The following SCARB1 variants were observed in gnomAD, a reference collection of about 807,000 sequenced individuals.
SCARB1 encodes scavenger receptor class B member 1, also known as CD36 and LIMPII analogous 1.
Under a neutral mutation model 57.2 loss-of-function variants are expected in SCARB1, and 30 were observed. That is an observed-to-expected ratio of 0.52 (90% CI 0.39 to 0.71). The LOEUF is 0.71. Among genes scored for constraint, SCARB1 ranks in the 30% least tolerant of loss-of-function variants. The probability of loss-of-function intolerance (pLI) is 0.00; values close to 1 mark genes in which losing one functional copy is unlikely to be tolerated. For missense variants in SCARB1, 543 were observed against 671.2 expected, an observed-to-expected ratio of 0.81 and a Z score of 2.11; for synonymous variants, 249 against 268.3, an observed-to-expected ratio of 0.93 and a Z score of 0.70.
rs369722279 is a variant in SCARB1 at position 124,810,200 on chromosome 12, C to T, written c.816G>A (p.Leu272=). The T allele has an allele frequency of 5.1e-5, 82 of 1,613,866 alleles. No homozygotes were observed. The highest frequency in any genetic ancestry group is 6.4e-5 in the Non-Finnish European group (76 of 1,179,892). Residue 272 remains leucine (L), a synonymous_variant, in exon 6 of 13, where the codon CTG becomes CTA. Coordinates refer to ENST00000261693, the MANE Select transcript of SCARB1 (RefSeq NM_005505.5). The surrounding 1 kb of genome is among the most constrained non-coding windows in gnomAD (Gnocchi z 4.0). ...WPPFMTPESS[L]EFYSPEACRS... ...GGCAGGCCTCCGGGCTGTAGAACTCCAGCGAGGACTCAGGAGTCATGAAGG... is the reference window on the plus strand; with the variant it reads ...GGCAGGCCTCCGGGCTGTAGAACTCTAGCGAGGACTCAGGAGTCATGAAGG...
At chr12:124,861,668 C>T (rs1047478930) in intron 1 of SCARB1, among the ~76,000 whole-genome samples, 1 of 152,158 alleles carries the variant, frequency 6.6e-6, no homozygotes, top group Non-Finnish European at 1.5e-5. Flanking sequence ...CAGAAGTGGC[C>T]GTCTTGGGCT....
chr12:124,793,315 C>T (rs1949797188), intron 9 of SCARB1, among the ~76,000 whole-genome samples: 1 of 152,066 alleles, frequency 6.6e-6, no homozygotes, highest in Non-Finnish European at 1.5e-5. Flanking sequence ...CAGTATAATC[C>T]CTCACCAAGT....
chr12:124,843,182 C>A (rs1274265702), intron 1 of SCARB1, among the ~76,000 whole-genome samples: 2 of 152,004 alleles, frequency 1.3e-5, no homozygotes, highest in Non-Finnish European at 2.9e-5. Context: ...CCAGCCAGGG[C>A]TTTCTGGGTA....
intron 1 of SCARB1, among the ~76,000 whole-genome samples, chr12:124,852,049 G>A (rs920732331): frequency 2.0e-5 from 3 of 152,156 alleles, no homozygotes; most frequent in African/African-American, 7.2e-5. Context: ...GATGCCAACA[G>A]GAGGATCCCT....
intron 1 of SCARB1, among the ~76,000 whole-genome samples, chr12:124,852,902 T>C (rs1459294775): frequency 1.3e-5 from 2 of 152,092 alleles, no homozygotes; most frequent in African/African-American, 4.8e-5. Flanking sequence ...TAGCTGGGCA[T>C]AGTGGTGCAC....
chr12:124,783,332 C>A (rs1282284910), intron 11 of SCARB1: 5 of 157,568 alleles, frequency 3.2e-5, no homozygotes, highest in Non-Finnish European at 7.0e-5. Context: ...GATCCTCCCA[C>A]CTCAACCTCC....
chr12:124,816,440 C>T (rs1482490505), intron 2 of SCARB1, among the ~76,000 whole-genome samples: 1 of 152,210 alleles, frequency 6.6e-6, no homozygotes, highest in Non-Finnish European at 1.5e-5. Context: ...AGCAGGTGCT[C>T]AGTAAACATT....
chr12:124,781,467 C>T lies in SCARB1; in HGVS notation c.*1216G>A, dbSNP rs553594062. ...CCCTGCCCAACCCCAAGTTGTAGGG[C>T]CTGCAGCTCTGCCCGTCACCTCCCC... On this transcript the variant is annotated intron_variant, in intron 12 of 12. Coordinates refer to ENST00000261693, the MANE Select transcript of SCARB1 (RefSeq NM_005505.5). Among the ~76,000 whole-genome samples the T allele has an allele frequency of 2.6e-5, 4 of 152,220 alleles. No homozygotes were observed. The East Asian group carries it at 5.8e-4, about 22-fold the overall frequency.
intron 1 of SCARB1, among the ~76,000 whole-genome samples, chr12:124,848,854 G>A (rs1317717984): frequency 1.3e-5 from 2 of 152,230 alleles, no homozygotes; most frequent in African/African-American, 4.8e-5. Flanking sequence ...CCACGGTGCA[G>A]CAAAGCGTGC....
At chr12:124,836,582 C>G (rs1053889801) in intron 1 of SCARB1, among the ~76,000 whole-genome samples, 8 of 152,110 alleles carry the variant, frequency 5.3e-5, no homozygotes, top group African/African-American at 1.9e-4. Flanking sequence ...CACTGGAGCC[C>G]AGGAGTTCGA....
intron 11 of SCARB1, 43 bp from the exon 12 acceptor site, chr12:124,782,854 C>A (rs1173537166): frequency 6.2e-7 from 1 of 1,611,524 alleles, no homozygotes; most frequent in African/African-American, 1.3e-5. Flanking sequence ...GTTGAAGCCA[C>A]ATAAAAATGG....
At chr12:124,851,621 T>C (rs1032886792) in intron 1 of SCARB1, among the ~76,000 whole-genome samples, 4 of 150,666 alleles carry the variant, frequency 2.7e-5, no homozygotes, top group Admixed American at 1.3e-4. Context: ...TTTTTTTTTT[T>C]TTTTTTGAGA....
chr12:124,847,732 T>C (rs1952221340), intron 1 of SCARB1, among the ~76,000 whole-genome samples: 2 of 152,210 alleles, frequency 1.3e-5, no homozygotes, highest in African/African-American at 4.8e-5. Context: ...CCAGGAGGAA[T>C]TGCAGGCTTC....
chr12:124,851,877 G>A (rs1457502969), intron 1 of SCARB1, among the ~76,000 whole-genome samples: 1 of 152,082 alleles, frequency 6.6e-6, no homozygotes, highest in East Asian at 1.9e-4. Flanking sequence ...AAAGTGCCGG[G>A]ATTACAGGCA....
chr12:124,813,227 G>A (rs908937122), intron 4 of SCARB1, among the ~76,000 whole-genome samples: 1 of 152,136 alleles, frequency 6.6e-6, no homozygotes, highest in Non-Finnish European at 1.5e-5. Context: ...CCCTAAGAGG[G>A]AGGAAACTGG....
chr12:124,830,042 G>A lies in SCARB1; in HGVS notation c.127-12335C>T, dbSNP rs78047791. Reference sequence around the variant, plus strand: ...ATGAAAGCCACACATGAAGAAGGGCGGAGCAGAATAGGAGATAGGAGAAAG... The same window carrying A: ...ATGAAAGCCACACATGAAGAAGGGCAGAGCAGAATAGGAGATAGGAGAAAG... On this transcript the variant is annotated intron_variant, in intron 1 of 12. Transcript: ENST00000261693. 5.1e-3 allele frequency among the ~76,000 whole-genome samples: 770 copies of A among 152,294 alleles called. 9 individuals carry two copies. The highest frequency in any genetic ancestry group is 0.017 in the African/African-American group (727 of 41,550).
intron 10 of SCARB1, among the ~76,000 whole-genome samples, chr12:124,786,990 T>G (rs1338363203): frequency 6.6e-6 from 1 of 152,048 alleles, no homozygotes; most frequent in Non-Finnish European, 1.5e-5. Context: ...ATAAATACAG[T>G]AAATAAAATA....
rs370093281 is a variant in SCARB1 at position 124,817,088 on chromosome 12, A to G, written c.284+462T>C. ...TGTGTAGGTACATGTGTGTGTATGTATGTGTGTGTGTATGTGTATGTACGT... is the reference window on the plus strand; with the variant it reads ...TGTGTAGGTACATGTGTGTGTATGTGTGTGTGTGTGTATGTGTATGTACGT... On this transcript the variant is annotated intron_variant, in intron 2 of 12. Transcript: ENST00000261693. This position sits in a 1 kb window ranked among gnomAD's most constrained non-coding sequence, Gnocchi z 4.8. Among the ~76,000 whole-genome samples the G allele has an allele frequency of 3.4e-5, 5 of 145,394 alleles. No homozygotes were observed. The highest frequency in any genetic ancestry group is 8.1e-5 in the African/African-American group (3 of 37,230).
intron 1 of SCARB1, chr12:124,839,103 C>T (rs980053423): frequency 5.0e-6 from 2 of 398,986 alleles, no homozygotes; most frequent in Non-Finnish European, 1.0e-5. Context: ...GTGTACAGTT[C>T]AGTGGCATTA....
Sources: gnomAD v4.1 joint callset for allele counts (sites outside exome capture counted in the v4.1 genomes callset) on GRCh38, gnomAD v4.1.1 for gene constraint, Gnocchi (gnomAD v3.1) non-coding constraint, MANE v1.5 for transcripts, NCBI Gene and HGNC (gene_info 2026-07-23, HGNC 2026-07-21) for gene names.